Variants in EFCAB5 observed in about 807,000 individuals in gnomAD.
EFCAB5 encodes EF-hand calcium-binding domain-containing protein 5.
A neutral mutation model predicts 167.9 loss-of-function variants in EFCAB5; 131 were observed. The observed-to-expected ratio is 0.78, with a 90% CI of 0.68 to 0.90. The LOEUF is 0.90. EFCAB5 is among the 40% of genes least tolerant of loss of function. The pLI is 0.00. For missense variants in EFCAB5, 1,663 were observed against 1,745.2 expected (o/e 0.95, Z 0.84); for synonymous variants, 574 against 602.8 (o/e 0.95, Z 0.70).
chr17:29,968,507 C>T (rs912320734), intron 3 of EFCAB5: 4 of 349,300 alleles, frequency 1.1e-5, no homozygotes, highest in Middle Eastern at 6.5e-4. Context: ...CTCTAATAGT[C>T]GTCATGTGAT....
At chr17:30,069,699 A>AC in intron 14 of EFCAB5, 3 of 1,240,816 alleles carry the variant, frequency 2.4e-6, no homozygotes, top group Non-Finnish European at 3.4e-6. Context: ...ACTCTCATGT[A>AC]CCCGCCGTAG....
At chr17:30,000,126 AC>A in intron 7 of EFCAB5, 150 bp downstream of exon 7, 1 of 585,508 alleles carries the variant, frequency 1.7e-6, no homozygotes, top group East Asian at 3.0e-5. Flanking sequence ...AAATATTTCA[AC>A]TCCTCTGAAA....
chr17:30,066,809 A>G (rs144958031), intron 14 of EFCAB5, among the ~76,000 whole-genome samples: 44 of 152,332 alleles, frequency 2.9e-4, no homozygotes, highest in African/African-American at 9.9e-4. Flanking sequence ...AAATGAATAA[A>G]ATTAGAAATG....
At position 30,092,136 on chromosome 17, in the gene EFCAB5, A is replaced by G. The variant is rs1263749405; in HGVS notation, c.4203A>G (p.Gly1401=). 2 of 1,612,848 alleles carry G rather than the reference A, an allele frequency of 1.2e-6. No individual in the cohort carries two copies. Among genetic ancestry groups the G allele is most frequent in the African/African-American group, 2.7e-5 (2 of 74,842 alleles). The change falls in exon 21 of 23, where the codon GGA becomes GGG. Residue 1401 remains glycine, a synonymous_variant. Coordinates refer to ENST00000394835, the MANE Select transcript of EFCAB5 (RefSeq NM_198529.4). ...AGTTGGAATTTTCAAGTGACTTTGGAAGTTGGGATAAGTGTAAATTTGTAA... is the reference window on the plus strand; with the variant it reads ...AGTTGGAATTTTCAAGTGACTTTGGGAGTTGGGATAAGTGTAAATTTGTAA... ...HPELEFSSDF[G]SWDKCKFYVN... is the part of the protein sequence containing the mutation.
intron 22 of EFCAB5, among the ~76,000 whole-genome samples, chr17:30,100,530 G>A (rs2071367544): frequency 6.6e-6 from 1 of 152,176 alleles, no homozygotes; most frequent in Non-Finnish European, 1.5e-5. Flanking sequence ...CACTCTGAGA[G>A]GCTGAGGTGG....
intron 3 of EFCAB5, among the ~76,000 whole-genome samples, chr17:29,944,962 A>G (rs1173016164): frequency 6.6e-6 from 1 of 152,018 alleles, no homozygotes; most frequent in Non-Finnish European, 1.5e-5. Context: ...TTGACCACAT[A>G]TTTATTCCGT....
rs2070942698 is a variant in EFCAB5, at chr17:30,079,643, TCA to T, written c.3028-427_3028-426del. Among the ~76,000 whole-genome samples the T allele has an allele frequency of 6.6e-5, 10 of 152,310 alleles. No homozygotes were observed. The South Asian group carries it at 2.1e-3, about 32-fold the overall frequency. On this transcript the variant is annotated intron_variant, in intron 15 of 22. Transcript: ENST00000394835. Reference sequence around the variant, plus strand: ...AAGAGTTCCTCGAGAGCATTTTTTTTCACTTTCACATCACAGTCGACGGTCAA... The same window carrying T: ...AAGAGTTCCTCGAGAGCATTTTTTTTCTTTCACATCACAGTCGACGGTCAA...
intron 14 of EFCAB5, among the ~76,000 whole-genome samples, chr17:30,077,506 G>A (rs1964325724): frequency 6.6e-6 from 1 of 152,110 alleles, no homozygotes; most frequent in Admixed American, 6.6e-5. Flanking sequence ...GGGAGGCAGG[G>A]AATGGAATAG....
chr17:30,106,194 G>C (rs555770221), intron 22 of EFCAB5, among the ~76,000 whole-genome samples: 1 of 152,008 alleles, frequency 6.6e-6, no homozygotes, highest in Non-Finnish European at 1.5e-5. Context: ...GGAGGCCGAG[G>C]TGGGAGGATT....
At chr17:30,028,256 T>C (rs1407255902) in intron 7 of EFCAB5, among the ~76,000 whole-genome samples, 2 of 152,204 alleles carry the variant, frequency 1.3e-5, no homozygotes, top group Admixed American at 6.5e-5. Context: ...AGAGAAAGGC[T>C]TCGTCAACTG....
At chr17:29,960,786 T>C (rs2067706187) in intron 3 of EFCAB5, among the ~76,000 whole-genome samples, 1 of 152,218 alleles carries the variant, frequency 6.6e-6, no homozygotes, top group African/African-American at 2.4e-5. Flanking sequence ...GATATATACA[T>C]AGAAGTGGGA....
chr17:30,047,192 C>T (rs1342213062), intron 8 of EFCAB5, among the ~76,000 whole-genome samples: 3 of 152,108 alleles, frequency 2.0e-5, no homozygotes, highest in Non-Finnish European at 4.4e-5. Context: ...GTTGAGATGC[C>T]GGAATCTTCT....
intron 4 of EFCAB5, among the ~76,000 whole-genome samples, chr17:29,983,165 A>G (rs1236164245): frequency 6.6e-6 from 1 of 152,230 alleles, no homozygotes; most frequent in Non-Finnish European, 1.5e-5. Flanking sequence ...GAAACCTTTC[A>G]ATGATATCCC....
chr17:30,016,256 C>A (rs2069039997), intron 7 of EFCAB5, among the ~76,000 whole-genome samples: 1 of 151,936 alleles, frequency 6.6e-6, no homozygotes, highest in African/African-American at 2.4e-5. Context: ...TTATGAAGCC[C>A]AATTTGTCTA....
intron 8 of EFCAB5, among the ~76,000 whole-genome samples, chr17:30,046,614 A>C (rs768974358): frequency 6.6e-6 from 1 of 152,230 alleles, no homozygotes; most frequent in Non-Finnish European, 1.5e-5. Context: ...ACATTGGAAA[A>C]TAGATGAGAC....
At chr17:30,002,757 G>A (rs139936658) in intron 7 of EFCAB5, among the ~76,000 whole-genome samples, 1 of 152,296 alleles carries the variant, frequency 6.6e-6, no homozygotes, top group African/African-American at 2.4e-5. Flanking sequence ...ATCTACAGAT[G>A]AGACAACTTC....
intron 3 of EFCAB5, among the ~76,000 whole-genome samples, chr17:29,966,730 C>T (rs745858816): frequency 2.6e-5 from 4 of 152,048 alleles, no homozygotes; most frequent in Admixed American, 6.6e-5. Context: ...ATATGCAGTC[C>T]GCACTTAAAG....
At chr17:30,050,920 C>T (rs949169472) in intron 8 of EFCAB5, among the ~76,000 whole-genome samples, 198 bp from the exon 9 acceptor site, 14 of 152,118 alleles carry the variant, frequency 9.2e-5, no homozygotes, top group African/African-American at 2.7e-4. Context: ...CATTTTGACA[C>T]GTCACAGAAT....
intron 17 of EFCAB5, 59 bp downstream of exon 17, chr17:30,081,040 TAA>T: frequency 7.3e-7 from 1 of 1,374,604 alleles, no homozygotes; most frequent in Non-Finnish European, 1.0e-6. Context: ...TAATACTTTT[TAA>T]AGAGTGAAAC....
Sources: gnomAD v4.1 joint callset for allele counts (sites outside exome capture counted in the v4.1 genomes callset) on GRCh38, gnomAD v4.1.1 for gene constraint, MANE v1.5 for transcripts, NCBI Gene and HGNC (gene_info 2026-07-23, HGNC 2026-07-21) for gene names.